Variants in DHRS12 observed in about 807,000 individuals in gnomAD.
DHRS12 encodes dehydrogenase/reductase 12.
In DHRS12, 29 loss-of-function variants were observed where a neutral mutation model predicts 32.1. That is an observed-to-expected ratio of 0.90 (90% CI 0.67 to 1.23). DHRS12 has a LOEUF of 1.23. Among genes scored for constraint, DHRS12 ranks in the 50% most tolerant of loss-of-function variants. The pLI is 0.00. For synonymous variants in DHRS12, 150 were observed against 135.9 expected (o/e 1.10, Z -0.72); for missense variants, 330 against 337.2 (o/e 0.98, Z 0.17).
At chr13:51,770,284 C>T (rs1447431660) in intron 7 of DHRS12, among the ~76,000 whole-genome samples, 1 of 152,166 alleles carries the variant, frequency 6.6e-6, no homozygotes, top group Non-Finnish European at 1.5e-5. Context: ...CATGCTCAGC[C>T]CTCCCAGGCC....
chr13:51,791,847 G>C (rs111548978), intron 2 of DHRS12, among the ~76,000 whole-genome samples: 1 of 152,056 alleles, frequency 6.6e-6, no homozygotes, highest in African/African-American at 2.4e-5. Context: ...AAGTGAAATC[G>C]AATAGTCTTT....
chr13:51,799,735 A>G, intron 1 of DHRS12, 68 bp from the exon 2 acceptor site: 1 of 1,569,598 alleles, frequency 6.4e-7, no homozygotes. Context: ...TGCAGGAGAA[A>G]GCCTAATTCT....
intron 2 of DHRS12, among the ~76,000 whole-genome samples, chr13:51,796,039 A>G (rs1955500278): frequency 6.6e-6 from 1 of 152,198 alleles, no homozygotes; most frequent in Non-Finnish European, 1.5e-5. Context: ...GTTCACCCTT[A>G]AATACATGTT....
intron 4 of DHRS12, among the ~76,000 whole-genome samples, chr13:51,781,805 T>C (rs1038428340): frequency 6.6e-6 from 1 of 152,162 alleles, no homozygotes; most frequent in African/African-American, 2.4e-5. Flanking sequence ...GCACCTCATA[T>C]GAAACCAAGG....
At chr13:51,768,963 G>C in intron 8 of DHRS12, 193 bp downstream of exon 8, 1 of 1,404,430 alleles carries the variant, frequency 7.1e-7, no homozygotes, top group Non-Finnish European at 9.2e-7. Flanking sequence ...CTCCAAAGAA[G>C]CTACCAACCT....
chr13:51,774,132 AC>A, intron 5 of DHRS12, 98 bp from the exon 6 acceptor site: 1 of 1,074,374 alleles, frequency 9.3e-7, no homozygotes, highest in South Asian at 1.4e-5. Flanking sequence ...GTGACCAATG[AC>A]CACAAAATTA....
intron 6 of DHRS12, chr13:51,773,035 TA>T (rs1954106712): frequency 1.0e-6 from 1 of 985,326 alleles, no homozygotes; most frequent in Non-Finnish European, 1.2e-6. Context: ...GTGGGCGCCC[TA>T]GCGGGTGAAT....
At chr13:51,770,273 G>A (rs998413771) in intron 7 of DHRS12, among the ~76,000 whole-genome samples, 1 of 152,208 alleles carries the variant, frequency 6.6e-6, no homozygotes. Flanking sequence ...ACACATGTCC[G>A]CATGCTCAGC....
rs757746406 is a variant in DHRS12 at position 51,771,822 on chromosome 13, T to A, written c.558A>T (p.Pro186=). Residue 186 remains proline, a splice_region_variant and synonymous_variant, in exon 7 of 9, where the codon CCA becomes CCT. Transcript: ENST00000444610. ...SSMHPGWADT[P]GVRQAMPGFH... ...CAGCAATTAAAGGCTATGACATACC[T>A]GGGGTGTCGGCCCAGCCAGGATGCA... The A allele has an allele frequency of 1.2e-6, 2 of 1,613,982 alleles. No individual in the cohort carries two copies. Among genetic ancestry groups the A allele is most frequent in the East Asian group, 4.5e-5 (2 of 44,890 alleles).
At chr13:51,760,042 C>T in the DHRS12 span, 12 of 350,634 alleles carry the variant, frequency 3.4e-5, no homozygotes, top group Admixed American at 1.8e-4. Context: ...TTGAGTGTAC[C>T]GAAAAATCTG....
intron 2 of DHRS12, among the ~76,000 whole-genome samples, chr13:51,795,633 G>A (rs1955481541): frequency 6.6e-6 from 1 of 152,158 alleles, no homozygotes; most frequent in Non-Finnish European, 1.5e-5. Context: ...GTAACAACAG[G>A]AAACTACCAC....
chr13:51,795,755 T>C (rs1269154862), intron 2 of DHRS12, among the ~76,000 whole-genome samples: 1 of 151,942 alleles, frequency 6.6e-6, no homozygotes, highest in Non-Finnish European at 1.5e-5. Context: ...ATATCTCAAT[T>C]CCCCCCTTCC....
At chr13:51,771,386 T>C (rs1263035480) in intron 7 of DHRS12, 2 of 1,614,100 alleles carry the variant, frequency 1.2e-6, no homozygotes, top group East Asian at 2.2e-5. Context: ...TCGAGCTGTG[T>C]CCTTGTGGCT....
At chr13:51,780,435 T>A (rs1954651977) in intron 4 of DHRS12, among the ~76,000 whole-genome samples, 1 of 152,162 alleles carries the variant, frequency 6.6e-6, no homozygotes, top group African/African-American at 2.4e-5. Flanking sequence ...GGAAGGCACC[T>A]TCAGCTACTG....
chr13:51,795,800 T>C (rs1037465243), intron 2 of DHRS12, among the ~76,000 whole-genome samples: 1 of 152,170 alleles, frequency 6.6e-6, no homozygotes, highest in African/African-American at 2.4e-5. Context: ...TAACTGCCAT[T>C]GGCCAAACCC....
chr13:51,755,309 T>A, the DHRS12 span: 1 of 1,575,762 alleles, frequency 6.3e-7, no homozygotes, highest in South Asian at 1.1e-5. Context: ...TGGTTTCCAT[T>A]GTCCTGACTG....
chr13:51,768,467 T>C (rs1315248421), intron 8 of DHRS12, 171 bp from the exon 9 acceptor site: 5 of 1,439,246 alleles, frequency 3.5e-6, no homozygotes, highest in Middle Eastern at 2.6e-4. Context: ...GCAGCATGGA[T>C]TGATATGTAA....
At chr13:51,759,292 C>T in the DHRS12 span, among the ~76,000 whole-genome samples, 12 of 152,042 alleles carry the variant, frequency 7.9e-5, no homozygotes, top group Non-Finnish European at 8.8e-5. Context: ...AAGGACACAG[C>T]ACGTGCTTGG....
Position 51,769,201 on chromosome 13 carries a change from G to C in DHRS12, c.652C>G (p.Leu218Val), listed in dbSNP as rs1243378992. Reference protein sequence around the residue: ...QGADTMLWLALSSAAAAQPSG... With the variant: ...QGADTMLWLAVSSAAAAQPSG... Reference sequence around the variant, plus strand: ...GGCTGTGCGGCTGCGGCAGAGGAGAGGGCCAGCCACAGCATGGTGTCCGCG... The same window carrying C: ...GGCTGTGCGGCTGCGGCAGAGGAGACGGCCAGCCACAGCATGGTGTCCGCG... The change falls in exon 8 of 9, where the codon CTC (leucine) becomes GTC (valine). Residue 218 changes from leucine to valine, a missense_variant. Leu to Val is a conservative substitution (Grantham distance 32). Coordinates refer to ENST00000444610, the MANE Select transcript of DHRS12 (RefSeq NM_001377533.1). 6.4e-7 allele frequency: 1 copy of C among 1,566,144 alleles called. No homozygotes were observed. Among genetic ancestry groups the C allele is most frequent in the African/African-American group, 1.4e-5 (1 of 73,756 alleles).
Sources: allele counts gnomAD v4.1 joint callset (sites outside exome capture counted in the v4.1 genomes callset), GRCh38; gene constraint gnomAD v4.1.1; transcripts MANE v1.5; gene names NCBI Gene and HGNC (gene_info 2026-07-23, HGNC 2026-07-21).